SNX2: variants seen among roughly 807,000 people sequenced by gnomAD.
The protein encoded by SNX2 is sorting nexin 2.
SNX2 carries 25 observed loss-of-function variants against 69.9 expected under a neutral mutation model. The observed-to-expected ratio is 0.36, with a 90% confidence interval of 0.26 to 0.50. The LOEUF is 0.50. SNX2 is among the 20% of genes least tolerant of loss of function. The pLI, the probability that SNX2 is intolerant of heterozygous loss-of-function variation, is 0.97. For missense variants in SNX2, 551 were observed against 613.3 expected (o/e 0.90, Z 1.07); for synonymous variants, 229 against 200.4 (o/e 1.14, Z -1.20).
intron 3 of SNX2, among the ~76,000 whole-genome samples, chr5:122,801,128 A>G (rs940637975): frequency 1.6e-4 from 24 of 152,200 alleles, no homozygotes; most frequent in African/African-American, 5.3e-4. Context: ...GGTAAAAGTA[A>G]TGACTACCTA....
intron 14 of SNX2, 142 bp from the exon 15 acceptor site, chr5:122,829,456 C>T (rs1581650965): frequency 1.7e-6 from 1 of 591,324 alleles, no homozygotes; most frequent in Non-Finnish European, 3.1e-6. Context: ...CCACCCATCT[C>T]AGCCTCCCAA....
intron 1 of SNX2, among the ~76,000 whole-genome samples, chr5:122,793,884 G>C (rs1219767406): frequency 6.9e-6 from 1 of 145,500 alleles, no homozygotes; most frequent in Admixed American, 7.0e-5. Flanking sequence ...TTGCACTCCA[G>C]CCTGGGCAAG....
rs757888767 is a variant in SNX2, at chr5:122,817,003, C to T, written c.887C>T (p.Thr296Ile). ...NKAADAVNKM[T>I]IKMNESDAWF... is the part of the protein sequence containing the mutation. ...GCTGCCGACGCTGTCAACAAAATGA[C>T]AATCAAGATGAATGAATCGGATGCA... Residue 296 changes from threonine (T) to isoleucine (I), a missense_variant, in exon 9 of 15, where the codon ACA becomes ATA. Thr to Ile is a moderately conservative substitution (Grantham distance 89, BLOSUM62 -1). This residue lies in a region of SNX2 where 360 missense variants were observed against 450.4 expected (regional missense o/e 0.80). Coordinates refer to ENST00000379516, the MANE Select transcript of SNX2 (RefSeq NM_003100.4). 1.2e-6 allele frequency: 2 copies of T among 1,607,904 alleles called. No homozygotes were observed. Among genetic ancestry groups the T allele is most frequent in the Admixed American group, 1.7e-5 (1 of 59,046 alleles).
chr5:122,782,023 A>G (rs918581967), intron 1 of SNX2, among the ~76,000 whole-genome samples: 9 of 152,180 alleles, frequency 5.9e-5, no homozygotes, highest in Admixed American at 2.0e-4. Context: ...AATCAGCAAA[A>G]GCTAAAAATC....
At chr5:122,791,566 G>A (rs1753239367) in intron 1 of SNX2, among the ~76,000 whole-genome samples, 1 of 152,226 alleles carries the variant, frequency 6.6e-6, no homozygotes, top group African/African-American at 2.4e-5. Flanking sequence ...ATAGGCATGG[G>A]CCACTGCGCC....
intron 12 of SNX2, among the ~76,000 whole-genome samples, chr5:122,826,876 G>A (rs1754161245): frequency 6.6e-6 from 1 of 151,482 alleles, no homozygotes; most frequent in Non-Finnish European, 1.5e-5. Context: ...TTCCAATCTG[G>A]TCATTTTACC....
chr5:122,810,943 C>T (rs574006644), intron 7 of SNX2, among the ~76,000 whole-genome samples: 126 of 152,114 alleles, frequency 8.3e-4, no homozygotes, highest in Non-Finnish European at 1.6e-3. Context: ...TTTTCCTGTA[C>T]ACATTTATTT....
chr5:122,823,750 G>A (rs1234242082), intron 11 of SNX2, among the ~76,000 whole-genome samples: 1 of 148,352 alleles, frequency 6.7e-6, no homozygotes, highest in Admixed American at 6.7e-5. Flanking sequence ...GAAGTGAGAG[G>A]GATTGTCTTA....
chr5:122,829,643 G>C lies in SNX2; in HGVS notation c.1555G>C (p.Ala519Pro). The C allele has an allele frequency of 2.5e-6, 4 of 1,613,110 alleles. No homozygotes were observed. The highest frequency in any genetic ancestry group is 3.4e-6 in the Non-Finnish European group (4 of 1,179,172). ...EAFLPEAKAI[A>P] ...ATTCCTACCTGAAGCCAAAGCCATTGCCTAGCAATAAGATTGTTGCCGTTA... is the reference window on the plus strand; with the variant it reads ...ATTCCTACCTGAAGCCAAAGCCATTCCCTAGCAATAAGATTGTTGCCGTTA... Residue 519 changes from alanine to proline, a missense_variant, in exon 15 of 15, where the codon GCC becomes CCC. Physicochemically the swap from Ala to Pro is conservative, Grantham distance 27. Transcript: ENST00000379516.
At position 122,833,300 on chromosome 5, in the gene SNX2, A is replaced by C. The variant is rs533126791; in HGVS notation, c.*3652A>C. 4.6e-5 allele frequency: 7 copies of C among 152,314 alleles called. No homozygotes were observed. The highest frequency in any genetic ancestry group is 1.7e-4 in the African/African-American group (7 of 41,580). 9.4% of individuals were successfully genotyped at this position (152,314 alleles called of 1,614,324 possible). A position where few individuals can be genotyped will look rare whatever the true frequency, so the allele number is the denominator to read the frequency against. ...AGTTCATTTTCCTGCATTTTTGATG[A>C]GGGCCATGAAGATAGGTCATGGTAA... On this transcript the variant is annotated 3_prime_UTR_variant, in exon 15 of 15. Transcript: ENST00000379516.
At chr5:122,816,079 AATT>A (rs1450542570) in intron 8 of SNX2, 108 bp downstream of exon 8, 31 of 496,230 alleles carry the variant, frequency 6.2e-5, no homozygotes, top group Middle Eastern at 5.3e-4. Flanking sequence ...GGAATAAAGC[AATT>A]ATTATTATTA....
chr5:122,777,306 G>A (rs531075620), intron 1 of SNX2, among the ~76,000 whole-genome samples: 39 of 152,292 alleles, frequency 2.6e-4, no homozygotes, highest in African/African-American at 8.9e-4. Flanking sequence ...TTCGGATTCT[G>A]TAGGACTGGG....
intron 14 of SNX2, chr5:122,828,140 TTAAA>T (rs1475526020): frequency 1.3e-5 from 2 of 152,228 alleles, no homozygotes. Flanking sequence ...TAATGGTATA[TTAAA>T]TAAAAAGATA....
chr5:122,781,605 T>G (rs955755758), intron 1 of SNX2, among the ~76,000 whole-genome samples: 1 of 152,210 alleles, frequency 6.6e-6, no homozygotes. Flanking sequence ...AAAGTGGCTG[T>G]ACCATTTTGC....
Position 122,795,273 on chromosome 5 carries a change from C to T in SNX2, c.116C>T (p.Pro39Leu). ...ATTGTTCTTTTTTAACAGTCAAGTCCATCATCTCCAGAACCAGCTAGTCTT... is the reference window on the plus strand; with the variant it reads ...ATTGTTCTTTTTTAACAGTCAAGTCTATCATCTCCAGAACCAGCTAGTCTT... ...TSTVSTLESS[P>L]SSPEPASLPA... The change falls in exon 2 of 15, where the codon CCA becomes CTA. Residue 39 changes from proline (P) to leucine (L), a missense_variant. Physicochemically the swap from Pro to Leu is moderately conservative, Grantham distance 98. Around this residue, in one of 2 missense-constraint regions of SNX2, gnomAD observed 191 missense variants for 162.9 expected, o/e 1.17. Coordinates refer to ENST00000379516, the MANE Select transcript of SNX2 (RefSeq NM_003100.4). 1 of 1,610,398 alleles carries T rather than the reference C, an allele frequency of 6.2e-7. No individual in the cohort carries two copies. The highest frequency in any genetic ancestry group is 8.5e-7 in the Non-Finnish European group (1 of 1,177,058).
At chr5:122,798,475 A>C (rs1753435534) in intron 2 of SNX2, among the ~76,000 whole-genome samples, 1 of 152,176 alleles carries the variant, frequency 6.6e-6, no homozygotes, top group South Asian at 2.1e-4. Context: ...GTATAACCTT[A>C]TTTCAGGTAA....
At chr5:122,828,275 G>A (rs988758319) in intron 14 of SNX2, among the ~76,000 whole-genome samples, 14 of 151,956 alleles carry the variant, frequency 9.2e-5, no homozygotes, top group Non-Finnish European at 2.1e-4. Context: ...TGTCATTTGT[G>A]TAAAACATAA....
rs1033988012 is a variant in SNX2, at chr5:122,795,308, G to A, written c.151G>A (p.Asp51Asn). 1 of 1,613,922 alleles carries A rather than the reference G, an allele frequency of 6.2e-7. No homozygotes were observed. The highest frequency in any genetic ancestry group is 1.7e-5 in the Admixed American group (1 of 60,016). Residue 51 changes from aspartate to asparagine, a missense_variant, in exon 2 of 15, where the codon GAT becomes AAT. Transcript: ENST00000379516. The part of the protein sequence containing the change: ...SPEPASLPAE[D>N]ISANSNGPKP... ...AGAACCAGCTAGTCTTCCTGCAGAA[G>A]ATATTAGTGCAAACTCCAATGGCCC...
rs1204520161 is a variant in SNX2, at chr5:122,802,022, T to C, written c.458-59T>C. 5.9e-6 allele frequency: 9 copies of C among 1,537,852 alleles called. No individual in the cohort carries two copies. In the East Asian group the frequency reaches 2.0e-4, roughly 35 times the overall value. On this transcript the variant is annotated intron_variant, in intron 4 of 14. Transcript: ENST00000379516. ...TTTTCTTCATACATCAATATAGTAT[T>C]AAATGAGTTTTATTTTTATGCATGT...
Sources: gnomAD v4.1 joint callset for allele counts (sites outside exome capture counted in the v4.1 genomes callset) on GRCh38, gnomAD v4.1.1 for gene constraint, gnomAD v4.1.1 regional missense constraint, MANE v1.5 for transcripts, NCBI Gene and HGNC (gene_info 2026-07-23, HGNC 2026-07-21) for gene names.